STPG2: variants seen among roughly 807,000 people sequenced by gnomAD.
STPG2 encodes the protein sperm-tail PG-rich repeat-containing protein 2.
In STPG2, 56 loss-of-function variants were observed where a neutral mutation model predicts 54.2. That is an observed-to-expected ratio of 1.03 (90% CI 0.83 to 1.29). The LOEUF (loss-of-function observed/expected upper bound fraction) is 1.29. Among genes scored for constraint, STPG2 ranks in the 50% most tolerant of loss-of-function variants. The pLI is 0.00. For missense variants in STPG2, 596 were observed against 544.9 expected, an observed-to-expected ratio of 1.09 and a Z score of -0.93; for synonymous variants, 200 against 181.8, an observed-to-expected ratio of 1.10 and a Z score of -0.81.
At chr4:97,442,335 A>G (rs2148790894) in intron 4 of STPG2, among the ~76,000 whole-genome samples, 1 of 152,150 alleles carries the variant, frequency 6.6e-6, no homozygotes, top group Non-Finnish European at 1.5e-5. Flanking sequence ...AGCTGATAAC[A>G]GCTATTTGAA....
At chr4:98,114,765 T>TTTGTG (rs1553943344) in intron 3 of STPG2, among the ~76,000 whole-genome samples, 1 of 148,780 alleles carries the variant, frequency 6.7e-6, no homozygotes, top group African/African-American at 2.5e-5. Flanking sequence ...TTTTTTTTTT[T>TTTGTG]TGTGTGTGTG....
chr4:97,849,436 A>G (rs971583864), intron 8 of STPG2, among the ~76,000 whole-genome samples: 1 of 151,978 alleles, frequency 6.6e-6, no homozygotes, highest in African/African-American at 2.4e-5. Flanking sequence ...TCATTAAACT[A>G]AAGAGCTTCT....
chr4:97,541,094 A>G (rs1731690436), intron 4 of STPG2, among the ~76,000 whole-genome samples: 1 of 152,220 alleles, frequency 6.6e-6, no homozygotes, highest in South Asian at 2.1e-4. Context: ...ACTCCTATTC[A>G]AAATAGTGTT....
intron 4 of STPG2, among the ~76,000 whole-genome samples, chr4:97,460,149 A>C (rs1187316380): frequency 6.6e-6 from 1 of 152,112 alleles, no homozygotes; most frequent in Non-Finnish European, 1.5e-5. Context: ...CCACTAGTAC[A>C]ACCACCCACT....
chr4:97,488,500 A>G (rs2148825792), intron 4 of STPG2, among the ~76,000 whole-genome samples: 2 of 151,874 alleles, frequency 1.3e-5, no homozygotes, highest in Non-Finnish European at 1.5e-5. Context: ...ATTGTTCTTA[A>G]CTGCTCTAAC....
chr4:97,448,821 A>G (rs1368078298), intron 4 of STPG2, among the ~76,000 whole-genome samples: 2 of 152,192 alleles, frequency 1.3e-5, no homozygotes, highest in African/African-American at 2.4e-5. Context: ...TCTATCAATC[A>G]AGAAAGAATT....
chr4:97,489,198 C>T (rs549115426), intron 4 of STPG2, among the ~76,000 whole-genome samples: 1 of 151,866 alleles, frequency 6.6e-6, no homozygotes, highest in South Asian at 2.1e-4. Flanking sequence ...GATTGTGAGG[C>T]CTCCACACCC....
chr4:97,866,750 C>T (rs1054382931), intron 8 of STPG2, among the ~76,000 whole-genome samples: 4 of 151,914 alleles, frequency 2.6e-5, no homozygotes, highest in Non-Finnish European at 5.9e-5. Context: ...GAAACTTTCA[C>T]AGCTAGTGAT....
At chr4:97,541,934 C>G (rs1009627828) in intron 4 of STPG2, among the ~76,000 whole-genome samples, 1 of 152,194 alleles carries the variant, frequency 6.6e-6, no homozygotes, top group Non-Finnish European at 1.5e-5. Context: ...AAAGCTGAAA[C>G]TGGATCCCTT....
chr4:98,067,359 T>C (rs1467226193), intron 5 of STPG2, among the ~76,000 whole-genome samples: 2 of 152,128 alleles, frequency 1.3e-5, no homozygotes, highest in East Asian at 1.9e-4. Flanking sequence ...ATGGATATAG[T>C]TCCTATATAT....
At position 98,059,541 on chromosome 4, in the gene STPG2, A is replaced by G. The variant is rs576160445; in HGVS notation, c.612+46412T>C. ...AATATTGAGGAAAGACTCCTCCCCC[A>G]AATCATTCTATGAGGCCAATATCAT... On this transcript the variant is annotated intron_variant, in intron 5 of 10. Coordinates refer to ENST00000295268, the MANE Select transcript of STPG2 (RefSeq NM_174952.3). Among the ~76,000 whole-genome samples the G allele has an allele frequency of 2.6e-5, 4 of 152,100 alleles. No homozygotes were observed. The East Asian group carries it at 7.7e-4, about 29-fold the overall frequency.
In STPG2 at chr4:98,071,947, T is replaced by C. The variant is rs1039744969; in HGVS notation, c.612+34006A>G. Among the ~76,000 whole-genome samples the C allele has an allele frequency of 2.6e-5, 4 of 152,196 alleles. No homozygotes were observed. The South Asian group carries it at 6.2e-4, about 24-fold the overall frequency. Reference sequence around the variant, plus strand: ...GGTTGTGGAGAGAAAAGAATACTTATACACTGTTGGTGGGAGTGTAAACTA... The same window carrying C: ...GGTTGTGGAGAGAAAAGAATACTTACACACTGTTGGTGGGAGTGTAAACTA... On this transcript the variant is annotated intron_variant, in intron 5 of 10. Transcript: ENST00000295268.
intron 10 of STPG2, among the ~76,000 whole-genome samples, chr4:97,649,285 A>G (rs943522266): frequency 6.6e-6 from 1 of 152,126 alleles, no homozygotes; most frequent in Admixed American, 6.6e-5. Flanking sequence ...GCTTCAAGAA[A>G]AAGTTATTTT....
intron 9 of STPG2, among the ~76,000 whole-genome samples, chr4:97,751,899 C>G (rs1725591816): frequency 6.6e-6 from 1 of 151,638 alleles, no homozygotes; most frequent in Admixed American, 6.6e-5. Context: ...GGGTCTCTTT[C>G]TAGGCATACA....
chr4:97,478,306 TAGAA>T (rs1464719338), intron 4 of STPG2, among the ~76,000 whole-genome samples: 6 of 152,274 alleles, frequency 3.9e-5, no homozygotes, highest in South Asian at 2.1e-4. Flanking sequence ...AACGAACTAA[TAGAA>T]AGTCATATTT....
At chr4:97,799,345 G>A (rs1727303034) in intron 9 of STPG2, among the ~76,000 whole-genome samples, 1 of 152,158 alleles carries the variant, frequency 6.6e-6, no homozygotes, top group Non-Finnish European at 1.5e-5. Context: ...CATGTTTAGT[G>A]CTTCCTTCAG....
At chr4:97,877,620 C>A (rs1325291099) in intron 8 of STPG2, among the ~76,000 whole-genome samples, 1 of 152,148 alleles carries the variant, frequency 6.6e-6, no homozygotes, top group Non-Finnish European at 1.5e-5. Flanking sequence ...ACCATGAGAA[C>A]AGTGTGGGGA....
Position 97,663,518 on chromosome 4 carries a change from G to A in STPG2, c.1320+49181C>T, listed in dbSNP as rs1006319875. Among the ~76,000 whole-genome samples the A allele has an allele frequency of 3.3e-5, 5 of 151,942 alleles. No individual in the cohort carries two copies. The South Asian group carries it at 6.2e-4, about 19-fold the overall frequency. On this transcript the variant is annotated intron_variant, in intron 10 of 10. Coordinates refer to ENST00000295268, the MANE Select transcript of STPG2 (RefSeq NM_174952.3). ...AAAAGTAAATTTTTCTTGCTTATAA[G>A]GGCTTCTGAAATTTATTTCTTCTCT... is the stretch of plus-strand genomic sequence containing the variant.
intron 9 of STPG2, among the ~76,000 whole-genome samples, chr4:97,722,964 A>ATTTTTT (rs3974903): frequency 8.6e-6 from 1 of 116,362 alleles, no homozygotes; most frequent in Non-Finnish European, 1.7e-5. Context: ...CACCCGGCTA[A>ATTTTTT]TTTTTTTTTT....
Sources: gnomAD v4.1 joint callset for allele counts (sites outside exome capture counted in the v4.1 genomes callset) on GRCh38, gnomAD v4.1.1 for gene constraint, MANE v1.5 for transcripts, NCBI Gene and HGNC (gene_info 2026-07-23, HGNC 2026-07-21) for gene names.